FOXP1: variants seen among roughly 807,000 people sequenced by gnomAD.
FOXP1 encodes forkhead box P1.
Under a neutral mutation model 98.2 loss-of-function variants are expected in FOXP1, and 15 were observed. That is an observed-to-expected ratio of 0.15 (90% confidence interval 0.10 to 0.24). FOXP1 has a LOEUF of 0.24. FOXP1 is among the 10% of genes least tolerant of loss of function. The pLI is 1.00. For missense variants in FOXP1, 633 were observed against 848.5 expected (o/e 0.75, Z 3.15); for synonymous variants, 371 against 314.5 (o/e 1.18, Z -1.90).
chr3:71,244,475 TG>T (rs1322524715), intron 5 of FOXP1, among the ~76,000 whole-genome samples: 6 of 141,688 alleles, frequency 4.2e-5, no homozygotes, highest in Non-Finnish European at 7.5e-5. Context: ...CATGAGGATT[TG>T]GAAAAGATCA....
In FOXP1 at chr3:71,292,339, T is replaced by G. The variant is rs182577070; in HGVS notation, c.-12+7481A>C. Among the ~76,000 whole-genome samples the G allele has an allele frequency of 1.9e-3, 283 of 152,230 alleles. 2 individuals carry two copies. Among genetic ancestry groups the G allele is most frequent in the African/African-American group, 6.5e-3 (268 of 41,526 alleles). On this transcript the variant is annotated intron_variant, in intron 5 of 20. Coordinates refer to ENST00000649528, the MANE Select transcript of FOXP1 (RefSeq NM_001349338.3). ...AAAGTAATTTTATTTTACTTTTGATTTATTTATTTTTTGAGATGGAGTCTC... is the reference window on the plus strand; with the variant it reads ...AAAGTAATTTTATTTTACTTTTGATGTATTTATTTTTTGAGATGGAGTCTC...
At chr3:70,987,434 T>C (rs1377019705) in intron 14 of FOXP1, among the ~76,000 whole-genome samples, 2 of 152,248 alleles carry the variant, frequency 1.3e-5, no homozygotes, top group Non-Finnish European at 1.5e-5. Context: ...GTCTCCTAAC[T>C]GTGAAGGAAT....
intron 6 of FOXP1, among the ~76,000 whole-genome samples, chr3:71,190,895 A>C (rs555454556): frequency 6.6e-6 from 1 of 152,340 alleles, no homozygotes; most frequent in South Asian, 2.1e-4. Context: ...GTAACACTTC[A>C]TAATTACAAT....
At chr3:71,125,137 T>G (rs1214128446) in intron 6 of FOXP1, among the ~76,000 whole-genome samples, 1 of 152,206 alleles carries the variant, frequency 6.6e-6, no homozygotes, top group East Asian at 1.9e-4. Flanking sequence ...AATGGCTGCC[T>G]AAGAGGCCAA....
chr3:71,068,162 C>T (rs1327548738), intron 7 of FOXP1, among the ~76,000 whole-genome samples: 1 of 152,122 alleles, frequency 6.6e-6, no homozygotes, highest in Non-Finnish European at 1.5e-5. Context: ...CTTGTTCAAA[C>T]ACCACATATT....
intron 7 of FOXP1, among the ~76,000 whole-genome samples, chr3:71,073,840 G>C (rs74418130): frequency 0.013 from 1,980 of 152,278 alleles, 40 homozygotes; most frequent in African/African-American, 0.043. Context: ...GGATGTGACT[G>C]TGTCCTCCAG....
chr3:71,558,739 C>T (rs1356219198), intron 2 of FOXP1, among the ~76,000 whole-genome samples: 1 of 151,226 alleles, frequency 6.6e-6, no homozygotes, highest in Non-Finnish European at 1.5e-5. Flanking sequence ...ATGATCCGCC[C>T]GCCTCGGCCT....
At chr3:71,001,592 G>C (rs531682358) in intron 12 of FOXP1, among the ~76,000 whole-genome samples, 3 of 152,104 alleles carry the variant, frequency 2.0e-5, no homozygotes, top group Non-Finnish European at 2.9e-5. Flanking sequence ...TACCAATGGT[G>C]GGGGGTGGGG....
At chr3:71,243,709 G>A (rs1226610230) in intron 5 of FOXP1, among the ~76,000 whole-genome samples, 1 of 152,040 alleles carries the variant, frequency 6.6e-6, no homozygotes, top group East Asian at 1.9e-4. Context: ...ATGATTAATA[G>A]CCTGTAATAT....
At chr3:71,478,119 G>A (rs2089996206) in intron 3 of FOXP1, among the ~76,000 whole-genome samples, 1 of 152,088 alleles carries the variant, frequency 6.6e-6, no homozygotes, top group Non-Finnish European at 1.5e-5. Context: ...TCTCTTTAAT[G>A]TCTTCCAGAT....
intron 7 of FOXP1, among the ~76,000 whole-genome samples, chr3:71,099,828 T>C (rs2056802908): frequency 6.6e-6 from 1 of 152,164 alleles, no homozygotes; most frequent in Non-Finnish European, 1.5e-5. Flanking sequence ...ACCATGCAGC[T>C]GAGTTTGTGT....
At chr3:70,978,118 C>A (rs908019174) in intron 14 of FOXP1, 89 bp from the exon 15 acceptor site, 41 of 1,025,662 alleles carry the variant, frequency 4.0e-5, no homozygotes, top group Non-Finnish European at 5.9e-5. Context: ...ACAGAGGATG[C>A]GTGGGCACCG....
At chr3:71,462,276 C>T (rs943838884) in intron 3 of FOXP1, among the ~76,000 whole-genome samples, 2 of 152,032 alleles carry the variant, frequency 1.3e-5, no homozygotes, top group Non-Finnish European at 2.9e-5. Flanking sequence ...GTTTGAAAGG[C>T]GGGACAGAAG....
intron 5 of FOXP1, among the ~76,000 whole-genome samples, chr3:71,217,582 T>A (rs2065040266): frequency 2.0e-5 from 3 of 152,034 alleles, no homozygotes; most frequent in African/African-American, 7.3e-5. Flanking sequence ...AGTAGAGTAG[T>A]ATATTTCAAG....
At chr3:70,959,414 C>A (rs762992611) in intron 20 of FOXP1, 23 bp from the exon 21 acceptor site, 79 of 1,613,780 alleles carry the variant, frequency 4.9e-5, no homozygotes, top group Non-Finnish European at 6.7e-5. Flanking sequence ...TGCAGAGGTT[C>A]AGTGAGGGTA....
At chr3:71,330,511 A>G (rs2076227828) in intron 4 of FOXP1, among the ~76,000 whole-genome samples, 1 of 152,270 alleles carries the variant, frequency 6.6e-6, no homozygotes. Flanking sequence ...TCAGCGGTTC[A>G]GCAAACAGCC....
chr3:71,403,142 G>A (rs1417010073), intron 3 of FOXP1, among the ~76,000 whole-genome samples: 4 of 152,146 alleles, frequency 2.6e-5, no homozygotes, highest in African/African-American at 4.8e-5. Context: ...CCCAATTACT[G>A]AGTGATCAGG....
At chr3:71,277,981 T>C (rs941327297) in intron 5 of FOXP1, among the ~76,000 whole-genome samples, 4 of 151,936 alleles carry the variant, frequency 2.6e-5, no homozygotes, top group South Asian at 2.1e-4. Context: ...AGCCCAAATA[T>C]GTGATCAAAG....
At chr3:71,532,296 C>T (rs1038039831) in intron 2 of FOXP1, among the ~76,000 whole-genome samples, 1 of 152,088 alleles carries the variant, frequency 6.6e-6, no homozygotes, top group African/African-American at 2.4e-5. Context: ...GGGGTTTTGC[C>T]GTATTGCCCA....
Sources: gnomAD v4.1 joint callset for allele counts (sites outside exome capture counted in the v4.1 genomes callset) on GRCh38, gnomAD v4.1.1 for gene constraint, MANE v1.5 for transcripts, NCBI Gene and HGNC (gene_info 2026-07-23, HGNC 2026-07-21) for gene names.